Variants in SLCO3A1 observed in about 807,000 individuals in gnomAD.
The protein encoded by SLCO3A1 is PGE1 transporter.
In SLCO3A1, 27 loss-of-function variants were observed where a neutral mutation model predicts 63.1. The observed-to-expected ratio is 0.43, with a 90% CI of 0.32 to 0.59. SLCO3A1 has a LOEUF of 0.59. Among genes scored for constraint, SLCO3A1 ranks in the 20% least tolerant of loss-of-function variants. The pLI, the probability that SLCO3A1 is intolerant of heterozygous loss-of-function variation, is 0.09. For synonymous variants in SLCO3A1, 473 were observed against 409.9 expected (o/e 1.15, Z -1.86); for missense variants, 773 against 945.8 (o/e 0.82, Z 2.40).
rs1236248795 is a variant in SLCO3A1, at chr15:92,022,075, C to G, written c.647-72806C>G. ...GAAATCCTGTCTGAAACCAGAGTTC[C>G]CATCTGTTGGCATAAAATCCTGATG... On this transcript the variant is annotated intron_variant, in intron 2 of 9. Coordinates refer to ENST00000318445, the MANE Select transcript of SLCO3A1 (RefSeq NM_013272.4). Among the ~76,000 whole-genome samples the G allele has an allele frequency of 2.0e-5, 3 of 152,168 alleles. 1 individual carries two copies. Among genetic ancestry groups the G allele is most frequent in the Admixed American group, 2.0e-4 (3 of 15,282 alleles).
chr15:92,151,957 AG>A (rs2048311228), intron 9 of SLCO3A1, among the ~76,000 whole-genome samples: 2 of 152,390 alleles, frequency 1.3e-5, no homozygotes, highest in East Asian at 3.8e-4. Context: ...TAGTTAAATC[AG>A]TTATGGTCTA....
At chr15:92,137,466 T>G (rs2048074216) in intron 7 of SLCO3A1, among the ~76,000 whole-genome samples, 1 of 99,604 alleles carries the variant, frequency 1.0e-5, no homozygotes, top group African/African-American at 5.8e-5. Flanking sequence ...CAGCATGATT[T>G]ATAGTCCTTT....
intron 4 of SLCO3A1, among the ~76,000 whole-genome samples, chr15:92,110,475 C>T (rs1482627489): frequency 1.3e-5 from 2 of 152,152 alleles, no homozygotes; most frequent in African/African-American, 4.8e-5. Context: ...GCCCTGTTCC[C>T]TCCACGCCCA....
rs1403755247 is a variant in SLCO3A1 at position 92,165,347 on chromosome 15, C to G, written c.*2212C>G. ...ATAAAATATGTATGTTCTGTTGTTC[C>G]TAAGGCTTTGATAATATCCTGTACA... On this transcript the variant is annotated 3_prime_UTR_variant, in exon 10 of 10. Coordinates refer to ENST00000318445, the MANE Select transcript of SLCO3A1 (RefSeq NM_013272.4). 4.1e-6 allele frequency: 4 copies of G among 985,014 alleles called. No individual in the cohort carries two copies. The highest frequency in any genetic ancestry group is 4.8e-6 in the Non-Finnish European group (4 of 829,720). 61.0% of individuals were successfully genotyped at this position (985,014 alleles called of 1,614,324 possible).
intron 9 of SLCO3A1, chr15:92,157,360 T>TGATGATGGTGG (rs2048383847): frequency 6.6e-6 from 1 of 152,136 alleles, no homozygotes; most frequent in Non-Finnish European, 1.5e-5. Context: ...TCAAGCTCCC[T>TGATGATGGTGG]TGTAACTAAG....
chr15:92,042,934 G>A (rs1463306309), intron 2 of SLCO3A1, among the ~76,000 whole-genome samples: 1 of 152,124 alleles, frequency 6.6e-6, no homozygotes, highest in Non-Finnish European at 1.5e-5. Context: ...TTAGAAGGAT[G>A]ACTCAAGTGG....
rs536819830 is a variant in SLCO3A1, at chr15:91,950,679, C to T, written c.646+34221C>T. Among the ~76,000 whole-genome samples, 4 of 152,314 alleles carry T rather than the reference C, an allele frequency of 2.6e-5. No individual in the cohort carries two copies. In the South Asian group the frequency reaches 8.3e-4, roughly 32 times the overall value. On this transcript the variant is annotated intron_variant, in intron 2 of 9. Coordinates refer to ENST00000318445, the MANE Select transcript of SLCO3A1 (RefSeq NM_013272.4). The surrounding 1 kb of genome is among the most constrained non-coding windows in gnomAD (Gnocchi z 4.4). ...ATTTAATGTACATGTTGTCTGACTT[C>T]ATTTGGTTCTGTATTTCACAACCAG...
At chr15:92,035,348 A>G (rs2046711992) in intron 2 of SLCO3A1, among the ~76,000 whole-genome samples, 1 of 151,722 alleles carries the variant, frequency 6.6e-6, no homozygotes, top group Non-Finnish European at 1.5e-5. Flanking sequence ...CTTCGTCCAA[A>G]CTGTGTTTGC....
At chr15:91,896,923 T>A (rs1258366598) in intron 1 of SLCO3A1, among the ~76,000 whole-genome samples, 2 of 152,216 alleles carry the variant, frequency 1.3e-5, no homozygotes, top group East Asian at 3.8e-4. Context: ...CCAGCCTTGA[T>A]GCTGAGGAGA....
rs899396938 is a variant in SLCO3A1 at position 92,163,414 on chromosome 15, G to A, written c.*279G>A. The A allele has an allele frequency of 1.3e-5, 14 of 1,088,384 alleles. No homozygotes were observed. In the South Asian group the frequency reaches 3.5e-4, roughly 27 times the overall value. 67.4% of individuals were successfully genotyped at this position (1,088,384 alleles called of 1,614,324 possible). A position where few individuals can be genotyped will look rare whatever the true frequency, so the allele number is the denominator to read the frequency against. ...TTTGAAGGCACCTCATGGTTTTCAG[G>A]ATGCTGACAGCTGCAAGCAACAGGC... On this transcript the variant is annotated 3_prime_UTR_variant, in exon 10 of 10. Transcript: ENST00000318445.
chr15:92,078,965 C>T (rs895951424), intron 2 of SLCO3A1, among the ~76,000 whole-genome samples: 18 of 152,184 alleles, frequency 1.2e-4, no homozygotes, highest in African/African-American at 3.9e-4. Context: ...CTCGAGCTTG[C>T]GCCCTGTGAG....
intron 2 of SLCO3A1, among the ~76,000 whole-genome samples, chr15:92,057,157 A>G (rs532744818): frequency 2.0e-5 from 3 of 152,128 alleles, no homozygotes. Context: ...GCTTTCTGTC[A>G]TTCCAAGCCG....
chr15:91,890,213 G>A (rs1256015839), intron 1 of SLCO3A1, among the ~76,000 whole-genome samples: 1 of 152,128 alleles, frequency 6.6e-6, no homozygotes, highest in Non-Finnish European at 1.5e-5. Flanking sequence ...GTTAATACAC[G>A]TATACCCACT....
At chr15:91,893,805 G>C (rs1227229277) in intron 1 of SLCO3A1, among the ~76,000 whole-genome samples, 1 of 152,158 alleles carries the variant, frequency 6.6e-6, no homozygotes, top group East Asian at 1.9e-4. Flanking sequence ...ACAAATGTTT[G>C]TTAAGTTCCT....
chr15:91,991,228 A>C (rs1262495235), intron 2 of SLCO3A1, among the ~76,000 whole-genome samples: 1 of 152,070 alleles, frequency 6.6e-6, no homozygotes, highest in Non-Finnish European at 1.5e-5. Flanking sequence ...AAAATTAGGC[A>C]GGGTGGTGTG....
chr15:91,902,885 CTT>C (rs1334407646), intron 1 of SLCO3A1, among the ~76,000 whole-genome samples: 2 of 152,190 alleles, frequency 1.3e-5, no homozygotes, highest in Non-Finnish European at 1.5e-5. Flanking sequence ...GGACAAATGA[CTT>C]AACTTTTGTG....
chr15:92,104,612 G>A, intron 4 of SLCO3A1, 70 bp downstream of exon 4: 1 of 1,500,600 alleles, frequency 6.7e-7, no homozygotes, highest in Non-Finnish European at 9.0e-7. Context: ...GAATGAAGGG[G>A]TGGCACCCAG....
At chr15:92,069,431 A>G (rs1185168570) in intron 2 of SLCO3A1, among the ~76,000 whole-genome samples, 1 of 152,242 alleles carries the variant, frequency 6.6e-6, no homozygotes, top group Non-Finnish European at 1.5e-5. Flanking sequence ...CTGAAAGGTC[A>G]TGCCCTTCAT....
intron 2 of SLCO3A1, among the ~76,000 whole-genome samples, chr15:91,955,904 C>T (rs1017490955): frequency 1.3e-5 from 2 of 152,184 alleles, no homozygotes; most frequent in Admixed American, 1.3e-4. Flanking sequence ...AATGCCTAGA[C>T]AGGTTCTAAA....
Sources: gnomAD v4.1 joint callset for allele counts (sites outside exome capture counted in the v4.1 genomes callset) on GRCh38, gnomAD v4.1.1 for gene constraint, Gnocchi (gnomAD v3.1) non-coding constraint, MANE v1.5 for transcripts, NCBI Gene and HGNC (gene_info 2026-07-23, HGNC 2026-07-21) for gene names.